IL1RAPL1: variants seen among roughly 807,000 people sequenced by gnomAD.
IL1RAPL1 encodes the protein interleukin-1 receptor accessory protein-like 1.
A neutral mutation model predicts 48.4 loss-of-function variants in IL1RAPL1; 3 were observed. The ratio of observed to expected loss-of-function variants is 0.06; its 90% CI spans 0.03 to 0.16. The LOEUF (loss-of-function observed/expected upper bound fraction) is 0.16, where lower values mean the gene tolerates loss of function less well. Among genes scored for constraint, IL1RAPL1 ranks in the 10% least tolerant of loss-of-function variants. The pLI is 1.00. For synonymous variants in IL1RAPL1, 185 were observed against 187.7 expected (o/e 0.99, Z 0.12); for missense variants, 349 against 530.6 (o/e 0.66, Z 3.36).
chrX:28,867,613 T>C (rs1046040205), intron 2 of IL1RAPL1, among the ~76,000 whole-genome samples: 1 of 112,182 alleles, frequency 8.9e-6, no homozygotes, highest in African/African-American at 3.2e-5. Context: ...AACCTAAAAA[T>C]ATGACTTTGG....
intron 2 of IL1RAPL1, among the ~76,000 whole-genome samples, chrX:28,849,073 ATCCT>A (rs748014652): frequency 1.8e-5 from 2 of 110,147 alleles, no homozygotes; most frequent in East Asian, 5.8e-4. Flanking sequence ...ATTTTATAAA[ATCCT>A]TTATACTTAC....
chrX:29,911,106 A>G (rs1657156003), intron 6 of IL1RAPL1, among the ~76,000 whole-genome samples: 1 of 112,021 alleles, frequency 8.9e-6, no homozygotes, highest in Admixed American at 9.5e-5. Flanking sequence ...AAACAACCCA[A>G]ATGTTCATCA....
At chrX:28,632,389 C>T (rs747722348) in intron 1 of IL1RAPL1, among the ~76,000 whole-genome samples, 98 of 111,636 alleles carry the variant, frequency 8.8e-4, no homozygotes, top group African/African-American at 1.2e-3. Flanking sequence ...GCCCTGTTTC[C>T]AAATACAGTT....
intron 2 of IL1RAPL1, among the ~76,000 whole-genome samples, chrX:29,089,776 A>ATATATG (rs1483507674): frequency 9.7e-5 from 8 of 82,304 alleles, no homozygotes; most frequent in African/African-American, 2.7e-4. Context: ...ATATATATAT[A>ATATATG]TATATATATA....
chrX:29,777,115 G>T (rs975890404), intron 6 of IL1RAPL1, among the ~76,000 whole-genome samples: 1 of 111,984 alleles, frequency 8.9e-6, no homozygotes, highest in Non-Finnish European at 1.9e-5. Context: ...AGGAGCTATC[G>T]GATTTTCAAC....
At chrX:28,762,297 T>C (rs1936182094) in intron 1 of IL1RAPL1, among the ~76,000 whole-genome samples, 2 of 111,557 alleles carry the variant, frequency 1.8e-5, no homozygotes, top group Non-Finnish European at 3.8e-5. Flanking sequence ...ACATTTAATA[T>C]CCTTAGTGTA....
At chrX:29,937,675 T>C (rs1315893673) in intron 8 of IL1RAPL1, among the ~76,000 whole-genome samples, 1 of 111,702 alleles carries the variant, frequency 9.0e-6, no homozygotes, top group Non-Finnish European at 1.9e-5. Flanking sequence ...CATAGAAATA[T>C]TGTAATAACT....
At chrX:29,663,744 A>C (rs1226963601) in intron 5 of IL1RAPL1, among the ~76,000 whole-genome samples, 1 of 112,187 alleles carries the variant, frequency 8.9e-6, no homozygotes, top group Non-Finnish European at 1.9e-5. Flanking sequence ...TTCTTAAATC[A>C]GGGTCTAAAC....
Position 29,413,281 on chromosome X carries a change from GTATT to G in IL1RAPL1, c.703+13978_703+13981del, listed in dbSNP as rs752377949. ...TCCTTTATAAATTACCCAGTCTCAG[GTATT>G]TATTAGCAGCGTGAGAACAGACTAA... On this transcript the variant is annotated intron_variant, in intron 5 of 10. Coordinates refer to ENST00000378993, the MANE Select transcript of IL1RAPL1 (RefSeq NM_014271.4). Among the ~76,000 whole-genome samples, 3 of 112,050 alleles carry G rather than the reference GTATT, an allele frequency of 2.7e-5. No individual in the cohort carries two copies. In the South Asian group the frequency reaches 1.1e-3, roughly 42 times the overall value.
chrX:29,902,995 G>T (rs777844070), intron 6 of IL1RAPL1, among the ~76,000 whole-genome samples: 2 of 111,034 alleles, frequency 1.8e-5, no homozygotes, highest in Non-Finnish European at 1.9e-5. Context: ...TTAATATAAC[G>T]TACCCCTTTC....
intron 1 of IL1RAPL1, among the ~76,000 whole-genome samples, chrX:28,695,041 C>T (rs1022214124): frequency 9.0e-6 from 1 of 111,329 alleles, no homozygotes; most frequent in African/African-American, 3.3e-5. Flanking sequence ...CAACCTTGAC[C>T]CCAGTCTTCA....
chrX:29,513,489 A>G (rs1292738553), intron 5 of IL1RAPL1, among the ~76,000 whole-genome samples: 2 of 112,077 alleles, frequency 1.8e-5, no homozygotes, highest in South Asian at 3.7e-4. Flanking sequence ...AAGTAAAAAG[A>G]TTGTTTTAAA....
chrX:29,303,640 G>C (rs1311452863), intron 3 of IL1RAPL1, among the ~76,000 whole-genome samples: 3 of 111,556 alleles, frequency 2.7e-5, no homozygotes, highest in African/African-American at 9.8e-5. Flanking sequence ...CATATGTTAC[G>C]TAAACCAAAG....
At chrX:28,740,941 A>G (rs4471202) in intron 1 of IL1RAPL1, among the ~76,000 whole-genome samples, 1 of 111,691 alleles carries the variant, frequency 9.0e-6, no homozygotes, top group Non-Finnish European at 1.9e-5. Flanking sequence ...TGTAAATGGT[A>G]TTGCAGTTAA....
intron 2 of IL1RAPL1, among the ~76,000 whole-genome samples, chrX:29,005,701 T>G (rs1214681050): frequency 9.0e-6 from 1 of 111,676 alleles, no homozygotes; most frequent in Non-Finnish European, 1.9e-5. Flanking sequence ...GTTTTAAATA[T>G]GTACCTAAAA....
At chrX:28,645,244 G>A (rs1033092990) in intron 1 of IL1RAPL1, among the ~76,000 whole-genome samples, 2 of 106,120 alleles carry the variant, frequency 1.9e-5, no homozygotes, top group Non-Finnish European at 3.9e-5. Context: ...CTACTCGGGA[G>A]GCTGAGGCAG....
At chrX:28,609,803 C>A (rs73630063) in intron 1 of IL1RAPL1, among the ~76,000 whole-genome samples, 8,781 of 109,990 alleles carry the variant, frequency 0.08, 285 homozygotes, top group African/African-American at 0.12. Context: ...ATCCAATAAC[C>A]CTCCCTGTCC....
chrX:28,814,718 C>A (rs73630098), intron 2 of IL1RAPL1, among the ~76,000 whole-genome samples: 1 of 109,776 alleles, frequency 9.1e-6, no homozygotes, highest in Non-Finnish European at 1.9e-5. Flanking sequence ...TACATGTTTG[C>A]AACTGTTTTC....
At chrX:28,701,781 T>C (rs764344940) in intron 1 of IL1RAPL1, among the ~76,000 whole-genome samples, 10 of 111,320 alleles carry the variant, frequency 9.0e-5, no homozygotes, top group Non-Finnish European at 3.8e-5. Context: ...TCTAGTGATC[T>C]TGTTACTTTT....
Sources: allele counts gnomAD v4.1 joint callset (sites outside exome capture counted in the v4.1 genomes callset), GRCh38; gene constraint gnomAD v4.1.1; transcripts MANE v1.5; gene names NCBI Gene and HGNC (gene_info 2026-07-23, HGNC 2026-07-21).